Variants in CSTPP1 observed in about 807,000 individuals in gnomAD.
The protein encoded by CSTPP1 is UPF0705 protein C11orf49.
the CSTPP1 span, among the ~76,000 whole-genome samples, chr11:46,959,190 G>A: frequency 6.7e-6 from 1 of 148,208 alleles, no homozygotes; most frequent in South Asian, 2.1e-4. Context: ...CTTTTTTGTT[G>A]TTGTTTTATT....
the CSTPP1 span, among the ~76,000 whole-genome samples, chr11:47,097,786 A>AG: frequency 1.4e-5 from 1 of 69,536 alleles, no homozygotes; most frequent in Admixed American, 1.3e-4. Flanking sequence ...CTGCCCGGCC[A>AG]CCACCCCGTC....
At chr11:46,964,435 G>A in the CSTPP1 span, among the ~76,000 whole-genome samples, 2 of 151,980 alleles carry the variant, frequency 1.3e-5, no homozygotes, top group Non-Finnish European at 2.9e-5. Flanking sequence ...ATAGGCGCCC[G>A]CCTCCACGCC....
the CSTPP1 span, among the ~76,000 whole-genome samples, chr11:47,104,906 C>T: frequency 1.3e-5 from 2 of 152,234 alleles, no homozygotes; most frequent in Non-Finnish European, 2.9e-5. Flanking sequence ...TTTGTCTCAA[C>T]AGGTGGAAGC....
At chr11:47,023,781 A>G in the CSTPP1 span, among the ~76,000 whole-genome samples, 2 of 152,176 alleles carry the variant, frequency 1.3e-5, no homozygotes, top group Admixed American at 6.5e-5. Flanking sequence ...ACCATGTATC[A>G]GATTTCCTTC....
At chr11:46,964,675 T>C in the CSTPP1 span, among the ~76,000 whole-genome samples, 1 of 152,220 alleles carries the variant, frequency 6.6e-6, no homozygotes, top group Non-Finnish European at 1.5e-5. Flanking sequence ...TCAGGATCTC[T>C]TTACACTTTT....
the CSTPP1 span, chr11:47,155,678 T>C: frequency 4.9e-6 from 1 of 204,500 alleles, no homozygotes; most frequent in Non-Finnish European, 1.0e-5. Flanking sequence ...TAGCCAGTCA[T>C]GCAGCTCATA....
At chr11:46,940,792 C>T in the CSTPP1 span, among the ~76,000 whole-genome samples, 2 of 152,076 alleles carry the variant, frequency 1.3e-5, no homozygotes, top group Non-Finnish European at 2.9e-5. Flanking sequence ...AATGCCTAGA[C>T]TTTTTTCCAA....
the CSTPP1 span, chr11:46,936,725 G>T: frequency 6.3e-7 from 1 of 1,582,012 alleles, no homozygotes. Flanking sequence ...CGCCGCGTGG[G>T]TGCCATGGCA....
chr11:47,090,896 A>G, the CSTPP1 span, among the ~76,000 whole-genome samples: 160 of 146,476 alleles, frequency 1.1e-3, no homozygotes, highest in African/African-American at 3.7e-3. Context: ...AAAATTAGCC[A>G]GGCGCGGTGG....
At chr11:47,126,609 G>T in the CSTPP1 span, among the ~76,000 whole-genome samples, 1 of 152,164 alleles carries the variant, frequency 6.6e-6, no homozygotes, top group African/African-American at 2.4e-5. Context: ...CTCCAGCCTG[G>T]GTAACAGAGC....
At chr11:47,010,369 C>T in the CSTPP1 span, among the ~76,000 whole-genome samples, 5 of 152,218 alleles carry the variant, frequency 3.3e-5, no homozygotes, top group Admixed American at 1.3e-4. Context: ...TGTTCTTGGC[C>T]GAAGCAACGG....
At chr11:47,045,158 G>A in the CSTPP1 span, among the ~76,000 whole-genome samples, 1 of 152,182 alleles carries the variant, frequency 6.6e-6, no homozygotes, top group African/African-American at 2.4e-5. Flanking sequence ...TATCTTTAAA[G>A]TGCTGAGAGA....
the CSTPP1 span, among the ~76,000 whole-genome samples, chr11:46,968,322 G>T: frequency 6.9e-6 from 1 of 145,892 alleles, no homozygotes; most frequent in African/African-American, 2.5e-5. Flanking sequence ...TACAATTCTA[G>T]CAAATGGCAT....
At chr11:47,026,464 T>C in the CSTPP1 span, among the ~76,000 whole-genome samples, 26 of 152,294 alleles carry the variant, frequency 1.7e-4, no homozygotes, top group African/African-American at 5.8e-4. Context: ...GACATAACAT[T>C]ACACAATATT....
chr11:47,008,846 C>T, the CSTPP1 span, among the ~76,000 whole-genome samples: 7 of 151,914 alleles, frequency 4.6e-5, no homozygotes, highest in East Asian at 3.9e-4. Flanking sequence ...CTGGCTAACA[C>T]GGTGAAACCC....
the CSTPP1 span, among the ~76,000 whole-genome samples, chr11:47,125,048 C>T: frequency 0.079 from 12,001 of 152,244 alleles, 496 homozygotes; most frequent in Non-Finnish European, 0.09. Flanking sequence ...CCTTTCCCAT[C>T]AAGTCCCAAA....
At chr11:46,992,865 A>G in the CSTPP1 span, among the ~76,000 whole-genome samples, 1 of 152,084 alleles carries the variant, frequency 6.6e-6, no homozygotes, top group Admixed American at 6.6e-5. Context: ...CAGTGTAAAA[A>G]TGTTCCTATT....
chr11:47,038,358 T>G, the CSTPP1 span, among the ~76,000 whole-genome samples: 1 of 54,560 alleles, frequency 1.8e-5, no homozygotes, highest in Non-Finnish European at 4.2e-5. Flanking sequence ...CTGGACGGAG[T>G]GGCTGGCCGG....
At chr11:47,153,344 T>C in the CSTPP1 span, among the ~76,000 whole-genome samples, 3 of 152,242 alleles carry the variant, frequency 2.0e-5, no homozygotes, top group Admixed American at 1.3e-4. Context: ...GCTGGAATTC[T>C]AGTGTTGAAC....
Sources: allele counts gnomAD v4.1 joint callset (sites outside exome capture counted in the v4.1 genomes callset), GRCh38; gene constraint gnomAD v4.1.1; transcripts MANE v1.5; gene names NCBI Gene and HGNC (gene_info 2026-07-23, HGNC 2026-07-21).